The following PSD3 variants were observed in gnomAD, a reference collection of about 807,000 sequenced individuals.
The protein encoded by PSD3 is pleckstrin and Sec7 domain containing 3.
A neutral mutation model predicts 105.5 loss-of-function variants in PSD3; 49 were observed. That is an observed-to-expected ratio of 0.46 (90% confidence interval 0.37 to 0.59). PSD3 has a LOEUF of 0.59. Ranked by LOEUF, PSD3 falls within the 20% of genes least tolerant of loss-of-function variation. The probability of loss-of-function intolerance (pLI) is 0.00; values close to 1 mark genes in which losing one functional copy is unlikely to be tolerated. For synonymous variants in PSD3, 557 were observed against 457.8 expected (o/e 1.22, Z -2.77); for missense variants, 1,561 against 1,263.8 (o/e 1.24, Z -3.57).
At chr8:18,847,413 T>C (rs1369031090) in intron 4 of PSD3, among the ~76,000 whole-genome samples, 1 of 152,142 alleles carries the variant, frequency 6.6e-6, no homozygotes, top group Non-Finnish European at 1.5e-5. Context: ...AAGCACTCTC[T>C]CCCTCCCTCC....
At chr8:18,670,459 G>T (rs1416227776) in intron 9 of PSD3, among the ~76,000 whole-genome samples, 7 of 152,190 alleles carry the variant, frequency 4.6e-5, no homozygotes, top group African/African-American at 1.7e-4. Flanking sequence ...GAGAAAAAGG[G>T]AAACAGCAGC....
chr8:18,800,551 G>A (rs1254341727), intron 7 of PSD3, among the ~76,000 whole-genome samples: 1 of 152,190 alleles, frequency 6.6e-6, no homozygotes, highest in African/African-American at 2.4e-5. Context: ...ACAAGTCAAA[G>A]TGCTTCACTT....
chr8:18,564,916 G>A (rs1024405228), intron 14 of PSD3, among the ~76,000 whole-genome samples: 2 of 152,132 alleles, frequency 1.3e-5, no homozygotes, highest in Non-Finnish European at 2.9e-5. Context: ...GACCAAAAAA[G>A]TATTTAGTAC....
chr8:18,912,855 G>C (rs920132689), intron 2 of PSD3, among the ~76,000 whole-genome samples: 9 of 152,016 alleles, frequency 5.9e-5, no homozygotes, highest in African/African-American at 1.9e-4. Flanking sequence ...TCATGCAACA[G>C]GAAATACACC....
intron 12 of PSD3, among the ~76,000 whole-genome samples, chr8:18,586,017 G>A (rs1341263076): frequency 6.6e-6 from 1 of 152,024 alleles, no homozygotes; most frequent in African/African-American, 2.4e-5. Flanking sequence ...GGAAGCTGGG[G>A]AGAGCGATCC....
chr8:18,921,463 T>C lies in PSD3; in HGVS notation c.130+14571A>G, dbSNP rs76406852. Among the ~76,000 whole-genome samples the C allele has an allele frequency of 5.4e-3, 827 of 152,316 alleles. 3 individuals carry two copies. Among genetic ancestry groups the C allele is most frequent in the Non-Finnish European group, 8.0e-3 (546 of 68,014 alleles). On this transcript the variant is annotated intron_variant, in intron 2 of 15. Transcript: ENST00000327040. ...GCATAGGCATGGGTTAAGTAGAGCC[T>C]AGGAAGCTTTATTATTTCTTAAAAG...
chr8:18,567,784 C>G (rs1340895272), intron 14 of PSD3, among the ~76,000 whole-genome samples: 3 of 152,154 alleles, frequency 2.0e-5, no homozygotes, highest in African/African-American at 7.2e-5. Flanking sequence ...TCCCATGACT[C>G]CACCAAAATG....
chr8:18,905,705 T>G (rs1243320065), intron 2 of PSD3, among the ~76,000 whole-genome samples: 1 of 152,194 alleles, frequency 6.6e-6, no homozygotes, highest in East Asian at 1.9e-4. Flanking sequence ...TCTTCCCTAC[T>G]TACTTTTTAT....
intron 2 of PSD3, among the ~76,000 whole-genome samples, chr8:18,901,299 C>A (rs1258291739): frequency 6.6e-6 from 1 of 152,136 alleles, no homozygotes; most frequent in African/African-American, 2.4e-5. Context: ...CAGGTCAAAA[C>A]CTGTGTTGTT....
intron 2 of PSD3, among the ~76,000 whole-genome samples, chr8:18,904,870 T>C (rs930705828): frequency 1.3e-5 from 2 of 152,166 alleles, no homozygotes; most frequent in Non-Finnish European, 2.9e-5. Context: ...AAGAGAGGAA[T>C]AGGATTTAGC....
chr8:18,683,311 C>T (rs1311969428), intron 9 of PSD3, among the ~76,000 whole-genome samples: 1 of 152,134 alleles, frequency 6.6e-6, no homozygotes, highest in Non-Finnish European at 1.5e-5. Context: ...CCAGGTCATA[C>T]TTGTACATCA....
At chr8:19,030,700 T>C (rs1283932606) in intron 1 of PSD3, among the ~76,000 whole-genome samples, 1 of 152,168 alleles carries the variant, frequency 6.6e-6, no homozygotes. Context: ...TAAACCTCTT[T>C]TTAATTACCG....
chr8:19,019,632 C>T (rs1338219227), intron 1 of PSD3, among the ~76,000 whole-genome samples: 1 of 147,576 alleles, frequency 6.8e-6, no homozygotes, highest in African/African-American at 2.5e-5. Context: ...GGTCTGTAGT[C>T]GAGGCTCAAC....
At chr8:18,654,313 G>A (rs1808730062) in intron 10 of PSD3, among the ~76,000 whole-genome samples, 4 of 152,120 alleles carry the variant, frequency 2.6e-5, no homozygotes, top group Admixed American at 2.0e-4. Flanking sequence ...CCTCCAACGT[G>A]CAGATAACAT....
At chr8:19,071,956 C>T (rs181889524) in intron 1 of PSD3, among the ~76,000 whole-genome samples, 264 of 152,232 alleles carry the variant, frequency 1.7e-3, no homozygotes, top group African/African-American at 6.0e-3. Flanking sequence ...GCAATCCACT[C>T]GCCTCGGCCT....
chr8:18,956,206 C>T (rs1051829629), intron 1 of PSD3, among the ~76,000 whole-genome samples: 2 of 152,166 alleles, frequency 1.3e-5, no homozygotes, highest in African/African-American at 4.8e-5. Flanking sequence ...AAAATGAGAG[C>T]TAGGCCCGTT....
At chr8:18,885,176 C>G (rs1304853157) in intron 2 of PSD3, among the ~76,000 whole-genome samples, 1 of 152,124 alleles carries the variant, frequency 6.6e-6, no homozygotes, top group African/African-American at 2.4e-5. Flanking sequence ...ATCAGGGATG[C>G]CCCTCTGATT....
At position 18,697,573 on chromosome 8, in the gene PSD3, T is replaced by G. The variant is rs558718367; in HGVS notation, c.2173-41888A>C. ...GGGAACATTTTATATTCTAGAACATTATTGTTACTTAAAGAAACAAAATGC... is the reference window on the plus strand; with the variant it reads ...GGGAACATTTTATATTCTAGAACATGATTGTTACTTAAAGAAACAAAATGC... On this transcript the variant is annotated intron_variant, in intron 9 of 15. Transcript: ENST00000327040. Among the ~76,000 whole-genome samples, 8 of 152,306 alleles carry G rather than the reference T, an allele frequency of 5.3e-5. No individual in the cohort carries two copies. The East Asian group carries it at 5.8e-4, about 11-fold the overall frequency.
chr8:18,891,070 A>G (rs1818754987), intron 2 of PSD3, among the ~76,000 whole-genome samples: 1 of 152,170 alleles, frequency 6.6e-6, no homozygotes, highest in Non-Finnish European at 1.5e-5. Flanking sequence ...AGAGCTTACT[A>G]TGGATAATGC....
Sources: gnomAD v4.1 joint callset for allele counts (sites outside exome capture counted in the v4.1 genomes callset) on GRCh38, gnomAD v4.1.1 for gene constraint, MANE v1.5 for transcripts, NCBI Gene and HGNC (gene_info 2026-07-23, HGNC 2026-07-21) for gene names.